Variants in PTPN13 observed in about 807,000 individuals in gnomAD.
The protein encoded by PTPN13 is protein tyrosine phosphatase non-receptor type 13, also known as tyrosine-protein phosphatase non-receptor type 13.
A neutral mutation model predicts 284.0 loss-of-function variants in PTPN13; 191 were observed. That is an observed-to-expected ratio of 0.67 (90% CI 0.60 to 0.76). PTPN13 has a LOEUF of 0.76. PTPN13 is among the 30% of genes least tolerant of loss of function. The probability of loss-of-function intolerance (pLI) is 0.00; values close to 1 mark genes in which losing one functional copy is unlikely to be tolerated. For synonymous variants in PTPN13, 986 were observed against 1,022.3 expected (o/e 0.96, Z 0.68); for missense variants, 2,797 against 2,939.9 (o/e 0.95, Z 1.12).
At chr4:86,735,334 C>A (rs1565446714) in intron 14 of PTPN13, among the ~76,000 whole-genome samples, 1 of 152,174 alleles carries the variant, frequency 6.6e-6, no homozygotes, top group Non-Finnish European at 1.5e-5. Context: ...CAGCATCCTT[C>A]ACAACGTTCA....
chr4:86,763,574 C>A (rs1055679802), intron 24 of PTPN13, among the ~76,000 whole-genome samples: 1 of 152,110 alleles, frequency 6.6e-6, no homozygotes, highest in Non-Finnish European at 1.5e-5. Context: ...AGTCTAAATT[C>A]TTCTGAAGTT....
intron 1 of PTPN13, among the ~76,000 whole-genome samples, chr4:86,626,809 G>T (rs1051457633): frequency 1.3e-5 from 2 of 152,068 alleles, no homozygotes; most frequent in Non-Finnish European, 2.9e-5. Flanking sequence ...ATTTTCAACT[G>T]CACAGAGGGT....
At chr4:86,614,170 C>T (rs76951439) in intron 1 of PTPN13, among the ~76,000 whole-genome samples, 7,211 of 152,050 alleles carry the variant, frequency 0.047, 232 homozygotes, top group African/African-American at 0.063. Flanking sequence ...ATATACAAGA[C>T]GGATTTCTAG....
At chr4:86,755,565 T>C (rs1276738457) in intron 20 of PTPN13, among the ~76,000 whole-genome samples, 2 of 152,208 alleles carry the variant, frequency 1.3e-5, no homozygotes, top group East Asian at 1.9e-4. Flanking sequence ...CACCGACTTA[T>C]CATGGTTTGA....
At chr4:86,658,998 A>G (rs562052312) in intron 2 of PTPN13, among the ~76,000 whole-genome samples, 4 of 152,296 alleles carry the variant, frequency 2.6e-5, no homozygotes, top group African/African-American at 9.6e-5. Flanking sequence ...ATAAATTCTT[A>G]AAACTACTTA....
At chr4:86,619,575 G>T (rs1720983396) in intron 1 of PTPN13, among the ~76,000 whole-genome samples, 1 of 152,090 alleles carries the variant, frequency 6.6e-6, no homozygotes, top group Non-Finnish European at 1.5e-5. Context: ...GAAGAGTCCA[G>T]ATTTCAACTC....
At chr4:86,811,807 A>G (rs983462613) in intron 47 of PTPN13, among the ~76,000 whole-genome samples, 7 of 152,202 alleles carry the variant, frequency 4.6e-5, no homozygotes, top group African/African-American at 1.4e-4. Flanking sequence ...AAATAGGGAA[A>G]TTTGCTATCT....
At position 86,631,714 on chromosome 4, in the gene PTPN13, G is replaced by A. The variant is rs558059033; in HGVS notation, c.-5-3538G>A. On this transcript the variant is annotated intron_variant, in intron 1 of 47. Transcript: ENST00000411767. Reference sequence around the variant, plus strand: ...AATTAACACGGTATTGATATAATTCGTACCCGATTCAATCAAGCAACAGAG... The same window carrying A: ...AATTAACACGGTATTGATATAATTCATACCCGATTCAATCAAGCAACAGAG... Among the ~76,000 whole-genome samples the A allele has an allele frequency of 2.6e-4, 39 of 152,102 alleles. No homozygotes were observed. The South Asian group carries it at 6.0e-3, about 23-fold the overall frequency.
chr4:86,692,276 A>T (rs1387352056), intron 5 of PTPN13, among the ~76,000 whole-genome samples: 1 of 152,234 alleles, frequency 6.6e-6, no homozygotes, highest in East Asian at 1.9e-4. Context: ...AGTCACTGAC[A>T]GTACAGTGTA....
At chr4:86,776,213 T>C (rs1740622125) in intron 35 of PTPN13, among the ~76,000 whole-genome samples, 1 of 152,250 alleles carries the variant, frequency 6.6e-6, no homozygotes, top group South Asian at 2.1e-4. Flanking sequence ...CCCAAAGTGC[T>C]GGGATTACAG....
chr4:86,775,091 G>T, intron 33 of PTPN13, 80 bp from the exon 34 acceptor site: 1 of 988,262 alleles, frequency 1.0e-6, no homozygotes, highest in Non-Finnish European at 1.5e-6. Context: ...AAATTAGGAG[G>T]ATTATTGTAT....
At chr4:86,773,008 AG>A (rs1031664332) in intron 32 of PTPN13, 50 bp downstream of exon 32, 84 of 1,340,372 alleles carry the variant, frequency 6.3e-5, no homozygotes, top group Non-Finnish European at 8.3e-5. Flanking sequence ...TTTTAAAAGA[AG>A]GTGTGTTCAT....
At chr4:86,621,267 A>T (rs1721206586) in intron 1 of PTPN13, among the ~76,000 whole-genome samples, 2 of 152,320 alleles carry the variant, frequency 1.3e-5, no homozygotes, top group East Asian at 3.9e-4. Context: ...ATATTTAAAA[A>T]TTTTTTATCT....
chr4:86,810,813 G>A (rs1016820627), intron 46 of PTPN13, among the ~76,000 whole-genome samples: 5 of 152,106 alleles, frequency 3.3e-5, no homozygotes, highest in Non-Finnish European at 7.4e-5. Context: ...TTCTTTGGGG[G>A]ATTTTCAAAT....
intron 5 of PTPN13, chr4:86,690,416 A>G (rs1243504481): frequency 1.3e-5 from 2 of 152,174 alleles, no homozygotes; most frequent in Non-Finnish European, 2.9e-5. Flanking sequence ...ATGTATTTTC[A>G]CTGGAGAACT....
chr4:86,759,162 G>C, intron 23 of PTPN13, 89 bp downstream of exon 23: 1 of 1,393,344 alleles, frequency 7.2e-7, no homozygotes, highest in South Asian at 1.4e-5. Flanking sequence ...TGGATTCATT[G>C]TGTACAAAAT....
intron 17 of PTPN13, among the ~76,000 whole-genome samples, chr4:86,748,659 T>C (rs1454673250): frequency 7.9e-5 from 12 of 151,756 alleles, no homozygotes; most frequent in Admixed American, 6.6e-5. Context: ...AAGATGATTA[T>C]GGAAATTTTT....
At chr4:86,781,605 G>C (rs1004735037) in intron 36 of PTPN13, among the ~76,000 whole-genome samples, 1 of 152,138 alleles carries the variant, frequency 6.6e-6, no homozygotes, top group Non-Finnish European at 1.5e-5. Context: ...CACCCATTCA[G>C]TGCGAAAAAT....
At chr4:86,773,506 A>T (rs541887979) in intron 32 of PTPN13, among the ~76,000 whole-genome samples, 1 of 152,310 alleles carries the variant, frequency 6.6e-6, no homozygotes, top group Non-Finnish European at 1.5e-5. Flanking sequence ...AATAAGATTT[A>T]GAAACAAAAT....
Sources: allele counts gnomAD v4.1 joint callset (sites outside exome capture counted in the v4.1 genomes callset), GRCh38; gene constraint gnomAD v4.1.1; transcripts MANE v1.5; gene names NCBI Gene and HGNC (gene_info 2026-07-23, HGNC 2026-07-21).